Variants in CAPZB observed in about 807,000 individuals in gnomAD.
CAPZB encodes F-actin-capping protein subunit beta.
In CAPZB, 2 loss-of-function variants were observed where a neutral mutation model predicts 38.1. The ratio of observed to expected loss-of-function variants is 0.05; its 90% CI spans 0.02 to 0.17. CAPZB has a LOEUF of 0.17. Ranked by LOEUF, CAPZB falls within the 10% of genes least tolerant of loss-of-function variation. The pLI is 1.00. For missense variants in CAPZB, 161 were observed against 334.2 expected (o/e 0.48, Z 4.04); for synonymous variants, 107 against 127.4 (o/e 0.84, Z 1.08).
chr1:19,359,064 A>ACGGTTAAT lies in CAPZB; in HGVS notation c.330-1502_330-1501insATTAACCG, dbSNP rs575554737. On this transcript the variant is annotated intron_variant, in intron 4 of 8. Transcript: ENST00000264202. ...TTGAGAGACAAAAACAATTAGGAAA[A>ACGGTTAAT]GTAGACACCTGCCAAACGGTTAATG... Among the ~76,000 whole-genome samples, 188 of 152,358 alleles carry ACGGTTAAT rather than the reference A, an allele frequency of 1.2e-3. 1 individual carries two copies. Among genetic ancestry groups the ACGGTTAAT allele is most frequent in the African/African-American group, 4.3e-3 (179 of 41,580 alleles).
chr1:19,369,760 G>C (rs1364463196), intron 4 of CAPZB, among the ~76,000 whole-genome samples: 1 of 152,216 alleles, frequency 6.6e-6, no homozygotes, highest in Non-Finnish European at 1.5e-5. Flanking sequence ...AGGGAGTGAA[G>C]GGGGATGTCC....
chr1:19,434,240 G>T (rs527288195), intron 1 of CAPZB, among the ~76,000 whole-genome samples: 1 of 152,086 alleles, frequency 6.6e-6, no homozygotes, highest in Non-Finnish European at 1.5e-5. Context: ...GCCCATACTC[G>T]CCATTTCCTA....
chr1:19,468,705 A>C (rs1016335481), intron 1 of CAPZB, among the ~76,000 whole-genome samples: 2 of 146,232 alleles, frequency 1.4e-5, no homozygotes, highest in South Asian at 2.2e-4. Context: ...AAGCTCTCCC[A>C]CCCCTCACTC....
At chr1:19,473,503 C>T (rs2094596689) in intron 1 of CAPZB, among the ~76,000 whole-genome samples, 1 of 152,310 alleles carries the variant, frequency 6.6e-6, no homozygotes, top group South Asian at 2.1e-4. Context: ...GCCTGAAAGT[C>T]AGGATCTGTC....
chr1:19,425,964 T>C (rs898390823), intron 1 of CAPZB, among the ~76,000 whole-genome samples: 4 of 152,328 alleles, frequency 2.6e-5, no homozygotes, highest in East Asian at 3.9e-4. Flanking sequence ...CCCCAGAAGA[T>C]GTCTCAGAAT....
At chr1:19,428,746 C>G (rs1306554927) in intron 1 of CAPZB, among the ~76,000 whole-genome samples, 1 of 152,114 alleles carries the variant, frequency 6.6e-6, no homozygotes, top group East Asian at 1.9e-4. Flanking sequence ...GGCTCTGCCC[C>G]GAGCCCTTCT....
intron 2 of CAPZB, among the ~76,000 whole-genome samples, chr1:19,390,173 C>T (rs1258339733): frequency 1.3e-5 from 2 of 152,250 alleles, no homozygotes; most frequent in Admixed American, 1.3e-4. Context: ...CCGGCCCCCG[C>T]CCCCTACTCA....
intron 1 of CAPZB, among the ~76,000 whole-genome samples, chr1:19,436,188 T>G (rs1272014454): frequency 6.6e-6 from 1 of 152,234 alleles, no homozygotes; most frequent in Non-Finnish European, 1.5e-5. Flanking sequence ...TTTGGAAGTT[T>G]TAAATTTCAC....
intron 4 of CAPZB, among the ~76,000 whole-genome samples, chr1:19,371,613 G>A (rs565834482): frequency 2.0e-5 from 3 of 152,268 alleles, no homozygotes; most frequent in African/African-American, 2.4e-5. Context: ...GGCCTCAGAC[G>A]CCATGGGTGA....
intron 2 of CAPZB, among the ~76,000 whole-genome samples, chr1:19,388,817 A>G (rs884630): frequency 0.64 from 97,418 of 152,064 alleles, 31,425 homozygotes; most frequent in African/African-American, 0.71. Flanking sequence ...GAGACAGACC[A>G]CCCTTGAAGA....
chr1:19,455,237 T>C (rs1050581057), intron 1 of CAPZB, among the ~76,000 whole-genome samples: 2 of 152,236 alleles, frequency 1.3e-5, no homozygotes, highest in Non-Finnish European at 2.9e-5. Context: ...GGCCTGGCTG[T>C]GCTGAGTGTG....
At chr1:19,370,396 G>A (rs1234022761) in intron 4 of CAPZB, among the ~76,000 whole-genome samples, 2 of 152,198 alleles carry the variant, frequency 1.3e-5, no homozygotes, top group East Asian at 1.9e-4. Context: ...GGGAGAAGGC[G>A]CTGGGGCTGG....
At chr1:19,456,004 T>C (rs2094531934) in intron 1 of CAPZB, among the ~76,000 whole-genome samples, 1 of 152,178 alleles carries the variant, frequency 6.6e-6, no homozygotes, top group African/African-American at 2.4e-5. Flanking sequence ...CTCTGCCTCC[T>C]GGGTTCAAGC....
intron 6 of CAPZB, among the ~76,000 whole-genome samples, chr1:19,355,031 C>A (rs563145081): frequency 6.6e-6 from 1 of 152,174 alleles, no homozygotes. Flanking sequence ...AAAAGAGGAC[C>A]GCAACATCCC....
At chr1:19,348,969 C>T (rs1328770696) in intron 6 of CAPZB, among the ~76,000 whole-genome samples, 1 of 152,122 alleles carries the variant, frequency 6.6e-6, no homozygotes, top group Non-Finnish European at 1.5e-5. Context: ...TGAGGAATCT[C>T]GACCCTCAGA....
At chr1:19,484,261 T>C (rs1052926050) in intron 1 of CAPZB, 1 of 1,612,138 alleles carries the variant, frequency 6.2e-7, no homozygotes, top group African/African-American at 1.3e-5. Context: ...AAGGGGAGGC[T>C]GCGCCTGCTT....
rs2100318172 is a variant in CAPZB at position 19,357,047 on chromosome 1, T to C, written c.472-296A>G. 6.6e-6 allele frequency among the ~76,000 whole-genome samples: 1 copy of C among 152,112 alleles called. No homozygotes were observed. The highest frequency in any genetic ancestry group is 2.4e-5 in the African/African-American group (1 of 41,496). On this transcript the variant is annotated intron_variant, in intron 5 of 8. Coordinates refer to ENST00000264202, the MANE Select transcript of CAPZB (RefSeq NM_004930.5). This position sits in a 1 kb window ranked among gnomAD's most constrained non-coding sequence, Gnocchi z 4.3. ...TGGCTAATGTTTTTTGTGTTTTTGG[T>C]AGAGATGCGGTTTCGCCATATTGGC...
intron 1 of CAPZB, among the ~76,000 whole-genome samples, chr1:19,463,392 C>T (rs571823147): frequency 1.3e-4 from 20 of 152,310 alleles, no homozygotes; most frequent in Middle Eastern, 6.8e-3. Context: ...AAGACTGGGT[C>T]GGCTGCTTCT....
At chr1:19,388,587 C>A (rs2094215817) in intron 2 of CAPZB, among the ~76,000 whole-genome samples, 1 of 152,170 alleles carries the variant, frequency 6.6e-6, no homozygotes, top group Admixed American at 6.5e-5. Context: ...AGATATGAAC[C>A]ATGGTATGGT....
Sources: gnomAD v4.1 joint callset for allele counts (sites outside exome capture counted in the v4.1 genomes callset) on GRCh38, gnomAD v4.1.1 for gene constraint, Gnocchi (gnomAD v3.1) non-coding constraint, MANE v1.5 for transcripts, NCBI Gene and HGNC (gene_info 2026-07-23, HGNC 2026-07-21) for gene names.